UBAC1: variants seen among roughly 807,000 people sequenced by gnomAD.
UBAC1 encodes ubiquitin-associated domain-containing protein 1.
In UBAC1, 27 loss-of-function variants were observed where a neutral mutation model predicts 45.9. The observed-to-expected ratio is 0.59, with a 90% confidence interval of 0.43 to 0.81. UBAC1 has a LOEUF of 0.81. Among genes scored for constraint, UBAC1 ranks in the 30% least tolerant of loss-of-function variants. The pLI is 0.00. For synonymous variants in UBAC1, 227 were observed against 215.5 expected, an observed-to-expected ratio of 1.05 and a Z score of -0.47; for missense variants, 529 against 539.2, an observed-to-expected ratio of 0.98 and a Z score of 0.19.
chr9:135,934,390 G>A (rs1332065639), intron 9 of UBAC1, among the ~76,000 whole-genome samples: 2 of 152,216 alleles, frequency 1.3e-5, no homozygotes, highest in Non-Finnish European at 2.9e-5. Context: ...GCCAGGCACG[G>A]TGGCTCATGC....
At position 135,959,925 on chromosome 9, in the gene UBAC1, G is replaced by C. The variant is rs147121393; in HGVS notation, c.138+1100C>G. Among the ~76,000 whole-genome samples, 703 of 152,324 alleles carry C rather than the reference G, an allele frequency of 4.6e-3. 4 individuals carry two copies. The highest frequency in any genetic ancestry group is 0.016 in the African/African-American group (652 of 41,576). On this transcript the variant is annotated intron_variant, in intron 1 of 9. Coordinates refer to ENST00000371756, the MANE Select transcript of UBAC1 (RefSeq NM_016172.3). ...AGCACCTCCCAGTTATTCACAGCCAGTGCGTTCCAGAAGGGGGCTTGCCAA... is the reference window on the plus strand; with the variant it reads ...AGCACCTCCCAGTTATTCACAGCCACTGCGTTCCAGAAGGGGGCTTGCCAA...
chr9:135,955,200 A>C, intron 2 of UBAC1, 95 bp downstream of exon 2: 1 of 1,310,456 alleles, frequency 7.6e-7, no homozygotes, highest in Non-Finnish European at 1.0e-6. Context: ...AGCTCAGAAC[A>C]CTGACTCCTG....
At chr9:135,941,928 A>G (rs1051983075) in intron 7 of UBAC1, among the ~76,000 whole-genome samples, 4 of 152,246 alleles carry the variant, frequency 2.6e-5, no homozygotes, top group African/African-American at 9.6e-5. Flanking sequence ...CATGACTTGT[A>G]CAGAAACCAA....
At chr9:135,959,396 G>A (rs1839506191) in intron 1 of UBAC1, among the ~76,000 whole-genome samples, 1 of 112,822 alleles carries the variant, frequency 8.9e-6, no homozygotes, top group South Asian at 2.9e-4. Context: ...TTTTTTTTGA[G>A]ACGGAGTCTT....
intron 3 of UBAC1, among the ~76,000 whole-genome samples, chr9:135,952,837 CAA>C (rs1725074038): frequency 1.3e-5 from 2 of 152,360 alleles, no homozygotes; most frequent in African/African-American, 2.4e-5. Flanking sequence ...TTTTGGCACT[CAA>C]AAAGTTTCAG....
At position 135,946,274 on chromosome 9, in the gene UBAC1, G is replaced by A. The variant is rs769070055; in HGVS notation, c.539C>T (p.Ala180Val). 8 of 1,609,538 alleles carry A rather than the reference G, an allele frequency of 5.0e-6. No individual in the cohort carries two copies. Among genetic ancestry groups the A allele is most frequent in the Admixed American group, 3.3e-5 (2 of 59,990 alleles). ...NPDAVELFKKANAMLDEDEDE... is the reference protein window; with the variant it reads ...NPDAVELFKKVNAMLDEDEDE... ...GCATCGGGGTTGACTCATACCATTC[G>A]CCTTCTTAAACAATTCCACTGCATC... The change falls in exon 5 of 10, where the codon GCG (alanine) becomes GTG (valine). Residue 180 changes from alanine (A) to valine (V), a missense_variant. Transcript: ENST00000371756.
chr9:135,960,316 T>C (rs1258886797), intron 1 of UBAC1, among the ~76,000 whole-genome samples: 1 of 152,162 alleles, frequency 6.6e-6, no homozygotes, highest in Non-Finnish European at 1.5e-5. Context: ...CAGGAGTATT[T>C]CAGGTGAATA....
At chr9:135,951,766 C>T (rs944112095) in intron 3 of UBAC1, among the ~76,000 whole-genome samples, 5 of 152,074 alleles carry the variant, frequency 3.3e-5, no homozygotes, top group Non-Finnish European at 7.4e-5. Flanking sequence ...GCTGAGATCA[C>T]GCCACTGCAC....
At chr9:135,936,547 G>C (rs1002865798) in intron 9 of UBAC1, among the ~76,000 whole-genome samples, 6 of 150,454 alleles carry the variant, frequency 4.0e-5, no homozygotes, top group Non-Finnish European at 8.9e-5. Flanking sequence ...CCAGGCTAGA[G>C]TGCAGTGGCA....
rs191690770 is a variant in UBAC1, at chr9:135,956,894, G to A, written c.139-1479C>T. On this transcript the variant is annotated intron_variant, in intron 1 of 9. Coordinates refer to ENST00000371756, the MANE Select transcript of UBAC1 (RefSeq NM_016172.3). ...TGGGCACTTTCTAAACCCGGTAGCA[G>A]GCTCAGCCTGTGGGTCAGGAGCATG... Among the ~76,000 whole-genome samples, 390 of 152,312 alleles carry A rather than the reference G, an allele frequency of 2.6e-3. 3 individuals are homozygous for A. Among genetic ancestry groups the A allele is most frequent in the African/African-American group, 8.9e-3 (369 of 41,568 alleles).
At chr9:135,957,990 G>A (rs1839487101) in intron 1 of UBAC1, among the ~76,000 whole-genome samples, 1 of 150,840 alleles carries the variant, frequency 6.6e-6, no homozygotes, top group Non-Finnish European at 1.5e-5. Flanking sequence ...TGGCCAGGCT[G>A]GAATTTCATG....
rs554351212 is a variant in UBAC1 at position 135,945,337 on chromosome 9, T to C, written c.654-87A>G. 5 of 1,200,880 alleles carry C rather than the reference T, an allele frequency of 4.2e-6. No individual in the cohort carries two copies. In the Admixed American group the frequency reaches 1.2e-4, roughly 28 times the overall value. The allele number at this position is 1,200,880 out of a possible 1,614,324, so 74.4% of individuals were successfully genotyped here. ...GTCCATTCCCAAGAAGAGCCTCTGC[T>C]ATGGTAGTGACTTCTCCAGCATCAG... On this transcript the variant is annotated intron_variant, in intron 6 of 9. Coordinates refer to ENST00000371756, the MANE Select transcript of UBAC1 (RefSeq NM_016172.3).
intron 7 of UBAC1, among the ~76,000 whole-genome samples, chr9:135,944,351 A>G (rs888224682): frequency 2.6e-5 from 4 of 152,210 alleles, no homozygotes; most frequent in African/African-American, 9.6e-5. Context: ...AGGCCACAGC[A>G]CAATGTCACA....
At chr9:135,947,747 C>T (rs1000464285) in intron 4 of UBAC1, 51 bp downstream of exon 4, 9 of 1,482,928 alleles carry the variant, frequency 6.1e-6, no homozygotes, top group Non-Finnish European at 8.3e-6. Context: ...CCACAGCAAT[C>T]CCCCACACGG....
intron 4 of UBAC1, 92 bp from the exon 5 acceptor site, chr9:135,946,463 C>A: frequency 1.2e-6 from 1 of 817,326 alleles, no homozygotes. Flanking sequence ...ACTCTTGATT[C>A]TGAGAGTTGA....
chr9:135,952,459 C>T (rs1029090705), intron 3 of UBAC1, among the ~76,000 whole-genome samples: 2 of 152,248 alleles, frequency 1.3e-5, no homozygotes, highest in African/African-American at 4.8e-5. Flanking sequence ...TGGGGTAGGA[C>T]ACGCCACTTG....
chr9:135,944,925 G>A (rs1055407534), intron 7 of UBAC1, 103 bp downstream of exon 7: 5 of 1,191,548 alleles, frequency 4.2e-6, no homozygotes, highest in Admixed American at 2.4e-5. Context: ...ACAGGAGCCA[G>A]CTCAGCCCAA....
At chr9:135,953,050 G>A (rs1839425708) in intron 3 of UBAC1, among the ~76,000 whole-genome samples, 1 of 152,182 alleles carries the variant, frequency 6.6e-6, no homozygotes. Context: ...GGGAACAGGA[G>A]CACACGCAGG....
At chr9:135,947,261 T>C (rs1211761556) in intron 4 of UBAC1, among the ~76,000 whole-genome samples, 1 of 152,092 alleles carries the variant, frequency 6.6e-6, no homozygotes, top group Non-Finnish European at 1.5e-5. Context: ...TGTGTTTTTT[T>C]TTTTCTTGAG....
Sources: gnomAD v4.1 joint callset for allele counts (sites outside exome capture counted in the v4.1 genomes callset) on GRCh38, gnomAD v4.1.1 for gene constraint, MANE v1.5 for transcripts, NCBI Gene and HGNC (gene_info 2026-07-23, HGNC 2026-07-21) for gene names.